Variants in SPAG16 observed in about 807,000 individuals in gnomAD.
SPAG16 encodes sperm associated antigen 16.
Under a neutral mutation model 80.4 loss-of-function variants are expected in SPAG16, and 86 were observed. The observed-to-expected ratio is 1.07, with a 90% CI of 0.90 to 1.28. The LOEUF (loss-of-function observed/expected upper bound fraction) is 1.28, where lower values mean the gene tolerates loss of function less well. Ranked by LOEUF, SPAG16 falls within the 50% of genes most tolerant of loss-of-function variation. SPAG16 has a pLI of 0.00. For synonymous variants in SPAG16, 294 were observed against 265.9 expected, an observed-to-expected ratio of 1.11 and a Z score of -1.03; for missense variants, 870 against 765.3, an observed-to-expected ratio of 1.14 and a Z score of -1.61.
intron 15 of SPAG16, among the ~76,000 whole-genome samples, chr2:214,346,216 G>A (rs528711896): frequency 5.9e-5 from 9 of 152,306 alleles, no homozygotes; most frequent in African/African-American, 2.2e-4. Flanking sequence ...CCCTTCCAGG[G>A]AGCGTGTTGT....
chr2:213,339,837 C>T (rs2064579118), intron 5 of SPAG16, among the ~76,000 whole-genome samples: 2 of 151,902 alleles, frequency 1.3e-5, no homozygotes, highest in Admixed American at 1.3e-4. Context: ...TTTCAATTTT[C>T]CAAGCCAAAA....
intron 9 of SPAG16, among the ~76,000 whole-genome samples, chr2:213,433,964 C>T (rs994931249): frequency 2.1e-4 from 31 of 144,818 alleles, no homozygotes; most frequent in Admixed American, 1.6e-3. Flanking sequence ...CTTGTCACCC[C>T]GGCTAGAGTG....
chr2:213,531,433 T>G (rs1473742094), intron 10 of SPAG16, among the ~76,000 whole-genome samples: 1 of 151,288 alleles, frequency 6.6e-6, no homozygotes, highest in East Asian at 1.9e-4. Flanking sequence ...TTAGGCTGCC[T>G]GCACTCAGCA....
intron 10 of SPAG16, among the ~76,000 whole-genome samples, chr2:213,732,481 T>A (rs1351662124): frequency 6.6e-6 from 1 of 152,230 alleles, no homozygotes; most frequent in Non-Finnish European, 1.5e-5. Flanking sequence ...CCCTATAGTA[T>A]AGTTTGAGAT....
At chr2:213,343,718 C>T (rs1444693506) in intron 6 of SPAG16, among the ~76,000 whole-genome samples, 1 of 151,776 alleles carries the variant, frequency 6.6e-6, no homozygotes, top group Non-Finnish European at 1.5e-5. Flanking sequence ...ACTAATAGGT[C>T]TTAGAAGATT....
intron 9 of SPAG16, among the ~76,000 whole-genome samples, chr2:213,395,735 G>A (rs1317403867): frequency 1.3e-5 from 2 of 152,132 alleles, no homozygotes; most frequent in Admixed American, 1.3e-4. Context: ...ATTGTCTCTT[G>A]CATCATTTCC....
In SPAG16 at chr2:214,012,259, CATAT is replaced by C. The variant is rs1163146309; in HGVS notation, c.1401-1665_1401-1662del. 8.3e-3 allele frequency among the ~76,000 whole-genome samples: 329 copies of C among 39,738 alleles called. 2 individuals are homozygous for C. The highest frequency in any genetic ancestry group is 0.042 in the Middle Eastern group (1 of 24). 26.1% of individuals were successfully genotyped at this position (39,738 alleles called of 152,430 possible). A position where few individuals can be genotyped will look rare whatever the true frequency, so the allele number is the denominator to read the frequency against. ...TTATATATATATATTTTTATACTTA[CATAT>C]ATATATATATATATATATATATATA... On this transcript the variant is annotated intron_variant, in intron 12 of 15. Coordinates refer to ENST00000331683, the MANE Select transcript of SPAG16 (RefSeq NM_024532.5).
intron 15 of SPAG16, among the ~76,000 whole-genome samples, chr2:214,198,674 A>G (rs75011083): frequency 0.11 from 17,060 of 152,052 alleles, 1,309 homozygotes; most frequent in Non-Finnish European, 0.17. Flanking sequence ...AGGAGGCTCT[A>G]TACTGTTTTC....
chr2:214,033,220 A>T (rs186989185), intron 13 of SPAG16, among the ~76,000 whole-genome samples: 1 of 152,188 alleles, frequency 6.6e-6, no homozygotes, highest in Non-Finnish European at 1.5e-5. Context: ...TACTGTCATT[A>T]TTCTTATGGG....
intron 12 of SPAG16, among the ~76,000 whole-genome samples, chr2:213,962,097 G>T (rs146995768): frequency 6.6e-6 from 1 of 152,120 alleles, no homozygotes; most frequent in African/African-American, 2.4e-5. Flanking sequence ...GAAGCCCTAA[G>T]CCCCAAGTAA....
At chr2:213,285,836 T>C (rs767338933) in intron 1 of SPAG16, 5 of 1,215,808 alleles carry the variant, frequency 4.1e-6, no homozygotes, top group South Asian at 3.8e-5. Flanking sequence ...ACAGGCAGTC[T>C]TTTCCAGTGA....
intron 15 of SPAG16, among the ~76,000 whole-genome samples, chr2:214,176,914 A>C (rs1258562420): frequency 6.6e-6 from 1 of 151,090 alleles, no homozygotes; most frequent in African/African-American, 2.4e-5. Context: ...AGACTTTATT[A>C]ACGTATCTCC....
At chr2:213,464,800 G>A (rs887060230) in intron 9 of SPAG16, among the ~76,000 whole-genome samples, 7 of 152,168 alleles carry the variant, frequency 4.6e-5, no homozygotes, top group Non-Finnish European at 1.0e-4. Context: ...CCTTTCCTAC[G>A]TGGAAGGCTT....
chr2:213,359,071 C>T (rs6733457), intron 7 of SPAG16, among the ~76,000 whole-genome samples: 1 of 152,198 alleles, frequency 6.6e-6, no homozygotes, highest in Non-Finnish European at 1.5e-5. Context: ...GTTTGCCTCG[C>T]TATCACCAGC....
intron 15 of SPAG16, among the ~76,000 whole-genome samples, chr2:214,179,779 G>A (rs2057250895): frequency 6.6e-6 from 1 of 151,428 alleles, no homozygotes; most frequent in Non-Finnish European, 1.5e-5. Context: ...GCAACAGTAA[G>A]CCAACTGGTA....
chr2:213,722,732 A>G (rs2066586634), intron 10 of SPAG16, among the ~76,000 whole-genome samples: 1 of 152,198 alleles, frequency 6.6e-6, no homozygotes, highest in African/African-American at 2.4e-5. Context: ...GCTGTGTAAC[A>G]TGCAGATTGA....
Position 214,040,790 on chromosome 2 carries a change from G to A in SPAG16, c.1527+26713G>A, listed in dbSNP as rs377048072. Among the ~76,000 whole-genome samples, 3 of 152,008 alleles carry A rather than the reference G, an allele frequency of 2.0e-5. No individual in the cohort carries two copies. The East Asian group carries it at 5.8e-4, about 29-fold the overall frequency. On this transcript the variant is annotated intron_variant, in intron 13 of 15. Coordinates refer to ENST00000331683, the MANE Select transcript of SPAG16 (RefSeq NM_024532.5). ...TTTCTTCTTCATCTGTAAAAATTTG[G>A]TATTTTTACTTTAACATCATTTTGA...
chr2:213,665,800 T>G (rs937360137), intron 10 of SPAG16, among the ~76,000 whole-genome samples: 1 of 152,190 alleles, frequency 6.6e-6, no homozygotes, highest in African/African-American at 2.4e-5. Context: ...ATATTTTCTC[T>G]GTGAGGTACA....
chr2:214,405,879 A>C (rs988201241), intron 15 of SPAG16, among the ~76,000 whole-genome samples: 5 of 152,230 alleles, frequency 3.3e-5, no homozygotes, highest in African/African-American at 1.2e-4. Flanking sequence ...GAATAGCTAC[A>C]TCACAGTGTT....
Sources: allele counts gnomAD v4.1 joint callset (sites outside exome capture counted in the v4.1 genomes callset), GRCh38; gene constraint gnomAD v4.1.1; transcripts MANE v1.5; gene names NCBI Gene and HGNC (gene_info 2026-07-23, HGNC 2026-07-21).